The following IRAG2 variants were observed in gnomAD, a reference collection of about 807,000 sequenced individuals.
The protein encoded by IRAG2 is inositol 1,4,5-triphosphate receptor associated 2.
Under a neutral mutation model 69.9 loss-of-function variants are expected in IRAG2, and 45 were observed. The ratio of observed to expected loss-of-function variants is 0.64; its 90% CI spans 0.51 to 0.83. IRAG2 has a LOEUF of 0.83. Among genes scored for constraint, IRAG2 ranks in the 40% least tolerant of loss-of-function variants. IRAG2 has a pLI of 0.00. For synonymous variants in IRAG2, 193 were observed against 202.4 expected, an observed-to-expected ratio of 0.95 and a Z score of 0.40; for missense variants, 520 against 587.0, an observed-to-expected ratio of 0.89 and a Z score of 1.18.
At position 25,102,184 on chromosome 12, in the gene IRAG2, G is replaced by A. The variant is rs1266598089; in HGVS notation, c.890-14G>A. 6.2e-7 allele frequency: 1 copy of A among 1,611,160 alleles called. No homozygotes were observed. Among genetic ancestry groups the A allele is most frequent in the Non-Finnish European group, 8.5e-7 (1 of 1,177,732 alleles). On this transcript the variant is annotated splice_polypyrimidine_tract_variant and intron_variant, in intron 16 of 21. Coordinates refer to ENST00000556887, the MANE Select transcript of IRAG2 (RefSeq NM_001366544.2). ...TGTAATAGCTAAAATGTGTCAATGT[G>A]TTTTTCCTTTCAGATGACTGCCAAA...
At chr12:25,080,464 G>A (rs1247518049) in intron 9 of IRAG2, among the ~76,000 whole-genome samples, 2 of 150,568 alleles carry the variant, frequency 1.3e-5, no homozygotes, top group African/African-American at 4.9e-5. Flanking sequence ...CCATTCTCCT[G>A]CCTCAGCCTC....
Position 25,079,647 on chromosome 12 carries a change from T to G in IRAG2, c.137-9T>G. On this transcript the variant is annotated splice_polypyrimidine_tract_variant and intron_variant, in intron 8 of 21. Transcript: ENST00000556887. ...TAGTATTCGCACCATTTGTTTCTCC[T>G]GTTGACAGATCCTGGATTAGAAATT... 1.3e-6 allele frequency: 2 copies of G among 1,560,290 alleles called. No homozygotes were observed. The highest frequency in any genetic ancestry group is 1.8e-6 in the Non-Finnish European group (2 of 1,130,988).
Position 25,107,928 on chromosome 12 carries a change from C to T in IRAG2, c.1368C>T (p.Ser456=), listed in dbSNP as rs1162194147. ...TTGTACTGTTTGCAGCTTTGATGAG[C>T]TTCCTCACAGGCCAATTATTCCAGA... The part of the protein sequence containing the change: ...AFIVLFAALM[S]FLTGQLFQKS... Residue 456 remains serine, a synonymous_variant, in exon 22 of 22, where the codon AGC becomes AGT. Coordinates refer to ENST00000556887, the MANE Select transcript of IRAG2 (RefSeq NM_001366544.2). The T allele has an allele frequency of 2.5e-6, 4 of 1,614,202 alleles. No homozygotes were observed. In the South Asian group the frequency reaches 3.3e-5, roughly 13 times the overall value.
At chr12:25,004,421 A>T (rs2139812878) in exon 1 of IRAG2, 1 of 1,232,174 alleles carries the variant, frequency 8.1e-7, no homozygotes, top group East Asian at 3.2e-5. Context: ...GCCATCCACA[A>T]GAGAGAAGCA....
At chr12:25,015,714 C>T (rs768563380) in intron 5 of IRAG2, among the ~76,000 whole-genome samples, 2 of 152,194 alleles carry the variant, frequency 1.3e-5, no homozygotes, top group Non-Finnish European at 2.9e-5. Flanking sequence ...AAAGTTCCAC[C>T]TGAAGTAGGG....
At chr12:25,053,480 A>T (rs1051815121) in intron 1 of IRAG2, among the ~76,000 whole-genome samples, 1 of 152,024 alleles carries the variant, frequency 6.6e-6, no homozygotes, top group South Asian at 2.1e-4. Flanking sequence ...CTCTACATAC[A>T]TCTACATACA....
At chr12:25,102,079 T>C in intron 16 of IRAG2, 119 bp from the exon 17 acceptor site, 1 of 734,228 alleles carries the variant, frequency 1.4e-6, no homozygotes, top group East Asian at 2.7e-5. Flanking sequence ...TATTGCTCGG[T>C]AGTCTCTAAA....
chr12:25,014,115 T>C (rs1393615508), intron 3 of IRAG2, among the ~76,000 whole-genome samples: 1 of 151,936 alleles, frequency 6.6e-6, no homozygotes, highest in East Asian at 1.9e-4. Flanking sequence ...GACCTCGTGA[T>C]CTGCCCTCCT....
chr12:25,093,997 C>T (rs1175498970), intron 14 of IRAG2: 2 of 152,158 alleles, frequency 1.3e-5, no homozygotes, highest in African/African-American at 2.4e-5. Context: ...AACCCCTTAT[C>T]AGTCGTATGG....
At chr12:25,096,042 C>T (rs1480200447) in intron 14 of IRAG2, among the ~76,000 whole-genome samples, 1 of 152,184 alleles carries the variant, frequency 6.6e-6, no homozygotes, top group Admixed American at 6.5e-5. Context: ...TCATTGAGCA[C>T]CAAATGTGCA....
intron 7 of IRAG2, among the ~76,000 whole-genome samples, chr12:25,021,479 G>T (rs1944580647): frequency 6.6e-6 from 1 of 152,036 alleles, no homozygotes; most frequent in African/African-American, 2.4e-5. Flanking sequence ...CTCAGTACTT[G>T]CAGGTTACTG....
intron 15 of IRAG2, among the ~76,000 whole-genome samples, chr12:25,100,518 G>A (rs1376312618): frequency 2.0e-5 from 3 of 152,124 alleles, no homozygotes; most frequent in Non-Finnish European, 4.4e-5. Flanking sequence ...TTTTATCTTA[G>A]AATATTAGAA....
At chr12:25,040,146 C>T (rs1944736015) in intron 16 of IRAG2, among the ~76,000 whole-genome samples, 2 of 152,180 alleles carry the variant, frequency 1.3e-5, no homozygotes, top group Non-Finnish European at 1.5e-5. Flanking sequence ...GGCTTTTGGA[C>T]ACAATTTAAA....
At chr12:25,061,788 G>A in intron 2 of IRAG2, 135 bp downstream of exon 2, 2 of 394,516 alleles carry the variant, frequency 5.1e-6, no homozygotes, top group Non-Finnish European at 8.9e-6. Context: ...AAATGTTTTG[G>A]TGGACTTTGT....
At chr12:25,103,617 G>T in intron 17 of IRAG2, 1 of 502,360 alleles carries the variant, frequency 2.0e-6, no homozygotes. Context: ...TGTTAGATTG[G>T]CATAAATTAT....
At chr12:25,088,755 AG>A (rs1418813932) in intron 11 of IRAG2, among the ~76,000 whole-genome samples, 2 of 152,202 alleles carry the variant, frequency 1.3e-5, no homozygotes, top group East Asian at 3.8e-4. Flanking sequence ...ATACTATGTG[AG>A]GTGGTAAATT....
In IRAG2 at chr12:25,084,626, A is replaced by G. The variant is rs141786884; in HGVS notation, c.315+1133A>G. Among the ~76,000 whole-genome samples the G allele has an allele frequency of 8.7e-4, 133 of 152,062 alleles. 1 individual carries two copies. Among genetic ancestry groups the G allele is most frequent in the African/African-American group, 2.9e-3 (122 of 41,466 alleles). The stretch of plus-strand genomic sequence containing the variant: ...TTGTTCTAGTTAAGCATTTGGTTGC[A>G]AGAAACAGAGACCCATGCAAGCTAA... On this transcript the variant is annotated intron_variant, in intron 10 of 21. Transcript: ENST00000556887.
At chr12:25,098,548 C>T (rs982795706) in intron 15 of IRAG2, among the ~76,000 whole-genome samples, 8 of 152,174 alleles carry the variant, frequency 5.3e-5, no homozygotes, top group Non-Finnish European at 1.0e-4. Context: ...GGAGCCTTCC[C>T]GACTAATTTA....
chr12:25,067,181 C>T (rs1331356360), intron 5 of IRAG2, among the ~76,000 whole-genome samples: 4 of 152,122 alleles, frequency 2.6e-5, no homozygotes, highest in Non-Finnish European at 1.5e-5. Flanking sequence ...GGGAACCTGT[C>T]CTTGTCCCTG....
Sources: gnomAD v4.1 joint callset for allele counts (sites outside exome capture counted in the v4.1 genomes callset) on GRCh38, gnomAD v4.1.1 for gene constraint, MANE v1.5 for transcripts, NCBI Gene and HGNC (gene_info 2026-07-23, HGNC 2026-07-21) for gene names.